Variants in CCBE1 observed in about 807,000 individuals in gnomAD.
CCBE1 encodes the protein collagen and calcium binding EGF domains 1, also known as collagen and calcium-binding EGF domain-containing protein 1.
In CCBE1, 37 loss-of-function variants were observed where a neutral mutation model predicts 50.0. The observed-to-expected ratio is 0.74, with a 90% confidence interval of 0.57 to 0.97. The LOEUF (loss-of-function observed/expected upper bound fraction) is 0.97, where lower values mean the gene tolerates loss of function less well. CCBE1 is among the 50% of genes least tolerant of loss of function. The probability of loss-of-function intolerance (pLI) is 0.00; values close to 1 mark genes in which losing one functional copy is unlikely to be tolerated. For synonymous variants in CCBE1, 234 were observed against 203.7 expected (o/e 1.15, Z -1.27); for missense variants, 538 against 523.8 (o/e 1.03, Z -0.26).
intron 7 of CCBE1, among the ~76,000 whole-genome samples, chr18:59,445,691 C>T (rs776571752): frequency 2.2e-4 from 34 of 152,180 alleles, no homozygotes; most frequent in Non-Finnish European, 3.8e-4. Flanking sequence ...GGTATATCTA[C>T]AATGAGTTTG....
At chr18:59,453,581 T>C (rs978755347) in intron 6 of CCBE1, among the ~76,000 whole-genome samples, 2 of 152,244 alleles carry the variant, frequency 1.3e-5, no homozygotes, top group African/African-American at 4.8e-5. Context: ...CCTGTTGATC[T>C]ACTGAACTGG....
At chr18:59,529,324 AG>A (rs947707501) in intron 2 of CCBE1, among the ~76,000 whole-genome samples, 28 of 152,326 alleles carry the variant, frequency 1.8e-4, no homozygotes, top group Non-Finnish European at 1.9e-4. Context: ...AGGCACTGGC[AG>A]GGGAAAATGG....
chr18:59,613,125 T>C (rs1477447477), intron 2 of CCBE1, among the ~76,000 whole-genome samples: 2 of 151,846 alleles, frequency 1.3e-5, no homozygotes, highest in African/African-American at 4.8e-5. Context: ...CGGAAGTAAC[T>C]GGATTAAAAA....
chr18:59,450,501 C>G (rs1437068347), intron 6 of CCBE1, among the ~76,000 whole-genome samples: 1 of 152,048 alleles, frequency 6.6e-6, no homozygotes, highest in Admixed American at 6.5e-5. Flanking sequence ...ATCTGTGCTC[C>G]TAACCATTAA....
At chr18:59,607,487 C>G (rs2053514105) in intron 2 of CCBE1, among the ~76,000 whole-genome samples, 1 of 152,158 alleles carries the variant, frequency 6.6e-6, no homozygotes, top group African/African-American at 2.4e-5. Flanking sequence ...TAGTTGGGGA[C>G]TGACTGTAAA....
intron 2 of CCBE1, among the ~76,000 whole-genome samples, chr18:59,527,793 G>T (rs930082199): frequency 6.6e-6 from 1 of 152,180 alleles, no homozygotes; most frequent in Non-Finnish European, 1.5e-5. Flanking sequence ...TTTTAAAAAG[G>T]TTGAATACTG....
chr18:59,464,808 C>A (rs535105883), intron 5 of CCBE1: 1 of 152,312 alleles, frequency 6.6e-6, no homozygotes, highest in Non-Finnish European at 1.5e-5. Flanking sequence ...GAAGCTTGGG[C>A]TACACCCAAG....
intron 2 of CCBE1, among the ~76,000 whole-genome samples, chr18:59,694,790 A>C (rs2054783063): frequency 6.6e-6 from 1 of 152,258 alleles, no homozygotes; most frequent in Admixed American, 6.5e-5. Context: ...CTCGACTTCC[A>C]TAGAGAAAAT....
rs546911835 is a variant in CCBE1, at chr18:59,694,326, CT to C, written c.212+2302del. On this transcript the variant is annotated intron_variant, in intron 2 of 10. Coordinates refer to ENST00000439986, the MANE Select transcript of CCBE1 (RefSeq NM_133459.4). Reference sequence around the variant, plus strand: ...TTCCATCATCAGTAATGCTGTATTACTTACAGCTCAATTCAAAGTAACCTTT... The same window carrying C: ...TTCCATCATCAGTAATGCTGTATTACTACAGCTCAATTCAAAGTAACCTTT... 7.9e-3 allele frequency among the ~76,000 whole-genome samples: 1,204 copies of C among 152,270 alleles called. 9 individuals carry two copies. The highest frequency in any genetic ancestry group is 0.02 in the Middle Eastern group (6 of 294).
chr18:59,517,647 G>A (rs1472034318), intron 2 of CCBE1, among the ~76,000 whole-genome samples: 1 of 152,202 alleles, frequency 6.6e-6, no homozygotes, highest in Non-Finnish European at 1.5e-5. Flanking sequence ...AAAGCCATCA[G>A]TCAGTTCTAT....
intron 2 of CCBE1, among the ~76,000 whole-genome samples, chr18:59,547,180 C>T (rs1428461358): frequency 1.3e-5 from 2 of 151,434 alleles, no homozygotes; most frequent in African/African-American, 4.9e-5. Context: ...GAGAGAGAGG[C>T]ACAATGGCTC....
At position 59,454,857 on chromosome 18, in the gene CCBE1, C is replaced by T; in HGVS notation, c.648G>A (p.Lys216=). ...CCACCCCAGCGGCACGTACCTTTTG[C>T]TTCAGCTGCAGCACGGTCTGCTTCA... The part of the protein sequence containing the change: ...YQMKQTVLQL[K]QKIALLPNNA... Residue 216 remains lysine (K), a synonymous_variant, in exon 6 of 11, where the codon AAG becomes AAA. Transcript: ENST00000439986. 1 of 1,614,162 alleles carries T rather than the reference C, an allele frequency of 6.2e-7. No individual in the cohort carries two copies. Among genetic ancestry groups the T allele is most frequent in the South Asian group, 1.1e-5 (1 of 91,090 alleles).
chr18:59,461,097 A>T (rs951217756), intron 5 of CCBE1, among the ~76,000 whole-genome samples: 18 of 152,266 alleles, frequency 1.2e-4, no homozygotes, highest in Admixed American at 3.9e-4. Context: ...CATGTAGTTC[A>T]ACCTTCTCAT....
chr18:59,474,637 T>C (rs1346749111), intron 3 of CCBE1, among the ~76,000 whole-genome samples: 1 of 152,224 alleles, frequency 6.6e-6, no homozygotes, highest in African/African-American at 2.4e-5. Flanking sequence ...CTTGAACCTC[T>C]GGTGTACTCT....
intron 2 of CCBE1, among the ~76,000 whole-genome samples, chr18:59,620,124 GAA>G (rs2053692195): frequency 6.6e-6 from 1 of 152,194 alleles, no homozygotes; most frequent in Non-Finnish European, 1.5e-5. Context: ...TGCACATGCA[GAA>G]AAAGAGACAC....
At chr18:59,664,743 G>A (rs1279399550) in intron 2 of CCBE1, among the ~76,000 whole-genome samples, 1 of 152,076 alleles carries the variant, frequency 6.6e-6, no homozygotes, top group Non-Finnish European at 1.5e-5. Context: ...GAGACCAGAG[G>A]GCATTATTCA....
chr18:59,610,210 G>A (rs2053550615), intron 2 of CCBE1, among the ~76,000 whole-genome samples: 1 of 152,170 alleles, frequency 6.6e-6, no homozygotes, highest in South Asian at 2.1e-4. Flanking sequence ...AATGAGGAAG[G>A]GATGACCAAG....
At chr18:59,586,791 A>G (rs2053185115) in intron 2 of CCBE1, among the ~76,000 whole-genome samples, 1 of 152,196 alleles carries the variant, frequency 6.6e-6, no homozygotes, top group South Asian at 2.1e-4. Flanking sequence ...TTCACATAAA[A>G]ATTATAAAAG....
chr18:59,612,293 T>TAA (rs5825349), intron 2 of CCBE1, among the ~76,000 whole-genome samples: 91 of 100,860 alleles, frequency 9.0e-4, no homozygotes, highest in Middle Eastern at 5.6e-3. Context: ...TAAAGTATAA[T>TAA]AAAAAAAAAA....
Sources: allele counts gnomAD v4.1 joint callset (sites outside exome capture counted in the v4.1 genomes callset), GRCh38; gene constraint gnomAD v4.1.1; transcripts MANE v1.5; gene names NCBI Gene and HGNC (gene_info 2026-07-23, HGNC 2026-07-21).